The following ADAMTSL3 variants were observed in gnomAD, a reference collection of about 807,000 sequenced individuals.
ADAMTSL3 encodes ADAMTS like 3.
In ADAMTSL3, 128 loss-of-function variants were observed where a neutral mutation model predicts 201.7. The observed-to-expected ratio is 0.63, with a 90% CI of 0.55 to 0.73. The LOEUF (loss-of-function observed/expected upper bound fraction) is 0.73, where lower values mean the gene tolerates loss of function less well. Among genes scored for constraint, ADAMTSL3 ranks in the 30% least tolerant of loss-of-function variants. The pLI is 0.00. For missense variants in ADAMTSL3, 1,990 were observed against 2,119.6 expected (o/e 0.94, Z 1.20); for synonymous variants, 738 against 748.4 (o/e 0.99, Z 0.23).
At chr15:83,958,594 A>T (rs1358743475) in intron 19 of ADAMTSL3, among the ~76,000 whole-genome samples, 2 of 152,212 alleles carry the variant, frequency 1.3e-5, no homozygotes, top group African/African-American at 4.8e-5. Flanking sequence ...TTCATTTAAT[A>T]AGAACATCTG....
intron 3 of ADAMTSL3, among the ~76,000 whole-genome samples, chr15:83,737,573 G>T (rs1182835801): frequency 6.6e-6 from 1 of 152,176 alleles, no homozygotes; most frequent in Non-Finnish European, 1.5e-5. Flanking sequence ...CAGCCATGCA[G>T]AACTATGAGT....
At chr15:83,933,730 T>TA (rs1419273392) in intron 17 of ADAMTSL3, among the ~76,000 whole-genome samples, 1 of 152,218 alleles carries the variant, frequency 6.6e-6, no homozygotes, top group Non-Finnish European at 1.5e-5. Context: ...TTTCATGCTC[T>TA]AGTCCCAGGG....
intron 4 of ADAMTSL3, among the ~76,000 whole-genome samples, chr15:83,782,502 T>A (rs1596198146): frequency 6.6e-6 from 1 of 151,984 alleles, no homozygotes; most frequent in Non-Finnish European, 1.5e-5. Context: ...GTAAACTGGA[T>A]AAAGAAAATG....
chr15:83,827,287 T>C (rs1000414776), intron 6 of ADAMTSL3, among the ~76,000 whole-genome samples: 1 of 152,252 alleles, frequency 6.6e-6, no homozygotes, highest in African/African-American at 2.4e-5. Context: ...TTCATGTGTC[T>C]GTTGGCTGTA....
chr15:83,657,946 C>G (rs1383168699), intron 2 of ADAMTSL3, among the ~76,000 whole-genome samples: 1 of 152,168 alleles, frequency 6.6e-6, no homozygotes, highest in East Asian at 1.9e-4. Flanking sequence ...TCTGAAGTAT[C>G]TTGTGATTTT....
intron 9 of ADAMTSL3, among the ~76,000 whole-genome samples, chr15:83,876,225 A>G (rs2065174827): frequency 6.6e-6 from 1 of 152,120 alleles, no homozygotes; most frequent in Non-Finnish European, 1.5e-5. Flanking sequence ...AAACTCGTTT[A>G]TTGGTTCCTT....
chr15:83,934,783 A>T lies in ADAMTSL3; in HGVS notation c.2118-7813A>T, dbSNP rs147489733. 4.0e-3 allele frequency among the ~76,000 whole-genome samples: 602 copies of T among 152,350 alleles called. 2 individuals carry two copies. Among genetic ancestry groups the T allele is most frequent in the Non-Finnish European group, 6.1e-3 (414 of 68,034 alleles). On this transcript the variant is annotated intron_variant, in intron 17 of 29. Transcript: ENST00000286744. ...TTCATCCAAAAATACCCCCAAAAAT[A>T]TGCTAAGAAAAGAGAATCACATCAA...
intron 17 of ADAMTSL3, among the ~76,000 whole-genome samples, chr15:83,935,856 CAATT>C (rs1396046714): frequency 5.9e-5 from 9 of 151,958 alleles, no homozygotes; most frequent in Non-Finnish European, 1.3e-4. Flanking sequence ...GGTTATATGA[CAATT>C]AAATGAGTTA....
chr15:83,896,043 TCC>T (rs2065607725), intron 13 of ADAMTSL3, among the ~76,000 whole-genome samples: 1 of 152,166 alleles, frequency 6.6e-6, no homozygotes, highest in Non-Finnish European at 1.5e-5. Context: ...ATTTTCAAGC[TCC>T]TTAAAGCGGT....
intron 8 of ADAMTSL3, among the ~76,000 whole-genome samples, chr15:83,865,708 G>T (rs921872678): frequency 2.6e-5 from 4 of 152,172 alleles, no homozygotes; most frequent in African/African-American, 9.7e-5. Flanking sequence ...CATGGGCAAA[G>T]ACTTCATGTC....
intron 4 of ADAMTSL3, among the ~76,000 whole-genome samples, chr15:83,779,900 A>G (rs2063139594): frequency 1.3e-5 from 2 of 152,196 alleles, no homozygotes; most frequent in South Asian, 4.1e-4. Flanking sequence ...AAGATACAAC[A>G]TGCCAGAATT....
At chr15:83,783,560 A>G (rs572461784) in intron 4 of ADAMTSL3, among the ~76,000 whole-genome samples, 42 of 152,272 alleles carry the variant, frequency 2.8e-4, no homozygotes, top group African/African-American at 9.9e-4. Flanking sequence ...GAAAAAAGCT[A>G]TAATGTGAAC....
chr15:84,025,857 A>G (rs2068295631), intron 27 of ADAMTSL3, among the ~76,000 whole-genome samples: 1 of 152,250 alleles, frequency 6.6e-6, no homozygotes, highest in African/African-American at 2.4e-5. Flanking sequence ...ATAAATAAAA[A>G]TATAACACAT....
intron 3 of ADAMTSL3, among the ~76,000 whole-genome samples, chr15:83,735,677 T>G (rs1324096765): frequency 6.6e-6 from 1 of 151,744 alleles, no homozygotes; most frequent in Non-Finnish European, 1.5e-5. Context: ...TTTTTTTTTG[T>G]TTTGCTTTTT....
At chr15:83,767,658 C>T (rs1055297128) in intron 3 of ADAMTSL3, among the ~76,000 whole-genome samples, 2 of 152,218 alleles carry the variant, frequency 1.3e-5, no homozygotes, top group Non-Finnish European at 2.9e-5. Context: ...TTACCACCAC[C>T]ATGCAGCCCA....
chr15:83,906,491 C>T (rs895367694), intron 15 of ADAMTSL3, among the ~76,000 whole-genome samples: 2 of 151,858 alleles, frequency 1.3e-5, no homozygotes, highest in African/African-American at 2.4e-5. Context: ...AAGGTCATGG[C>T]GAGAATTATA....
At chr15:83,664,032 C>T (rs1050555607) in intron 2 of ADAMTSL3, among the ~76,000 whole-genome samples, 67 of 152,350 alleles carry the variant, frequency 4.4e-4, no homozygotes, top group African/African-American at 8.7e-4. Context: ...CTCTCCCAGG[C>T]AGCCTCCATC....
intron 4 of ADAMTSL3, among the ~76,000 whole-genome samples, chr15:83,779,747 A>T (rs1395999703): frequency 6.6e-6 from 1 of 151,816 alleles, no homozygotes; most frequent in Non-Finnish European, 1.5e-5. Context: ...ACCACAGCAC[A>T]ATCAAATTAG....
At chr15:83,754,341 C>T (rs2062685558) in intron 3 of ADAMTSL3, among the ~76,000 whole-genome samples, 1 of 152,076 alleles carries the variant, frequency 6.6e-6, no homozygotes, top group Non-Finnish European at 1.5e-5. Flanking sequence ...AGGCAGTTTC[C>T]ATAAATATTG....
Sources: allele counts gnomAD v4.1 joint callset (sites outside exome capture counted in the v4.1 genomes callset), GRCh38; gene constraint gnomAD v4.1.1; transcripts MANE v1.5; gene names NCBI Gene and HGNC (gene_info 2026-07-23, HGNC 2026-07-21).